The following ALG14 variants were observed in gnomAD, a reference collection of about 807,000 sequenced individuals.
The protein encoded by ALG14 is UDP-N-acetylglucosamine transferase subunit ALG14.
ALG14 carries 17 observed loss-of-function variants against 22.8 expected under a neutral mutation model. The ratio of observed to expected loss-of-function variants is 0.75; its 90% CI spans 0.51 to 1.12. ALG14 has a LOEUF of 1.12. Ranked by LOEUF, ALG14 falls within the 50% of genes most tolerant of loss-of-function variation. The probability of loss-of-function intolerance (pLI) is 0.00; values close to 1 mark genes in which losing one functional copy is unlikely to be tolerated. For synonymous variants in ALG14, 89 were observed against 103.7 expected, an observed-to-expected ratio of 0.86 and a Z score of 0.86; for missense variants, 288 against 271.8, an observed-to-expected ratio of 1.06 and a Z score of -0.42.
intron 2 of ALG14, among the ~76,000 whole-genome samples, chr1:95,048,353 A>G (rs1410841318): frequency 1.3e-5 from 2 of 152,214 alleles, no homozygotes; most frequent in Non-Finnish European, 2.9e-5. Flanking sequence ...TGTTTTATTC[A>G]TATGTCACCG....
At chr1:95,047,016 C>CATAAG (rs1288671807) in intron 2 of ALG14, among the ~76,000 whole-genome samples, 17 of 146,026 alleles carry the variant, frequency 1.2e-4, no homozygotes, top group African/African-American at 4.3e-4. Context: ...CATAACATAA[C>CATAAG]ATAACATAAC....
chr1:95,065,000 T>C lies in ALG14; in HGVS notation c.154A>G (p.Ile52Val). 1 of 1,613,226 alleles carries C rather than the reference T, an allele frequency of 6.2e-7. No individual in the cohort carries two copies. The highest frequency in any genetic ancestry group is 8.5e-7 in the Non-Finnish European group (1 of 1,179,528). The stretch of plus-strand genomic sequence containing the variant: ...GACAAGCTCCCAAGCAGCCTCAGGA[T>C]CTCAGTGGTATGCCCACCTGGAAAA... ...VAGSGGHTTEILRLLGSLSNA... is the reference protein window; with the variant it reads ...VAGSGGHTTEVLRLLGSLSNA... Residue 52 changes from isoleucine (I) to valine (V), a missense_variant, in exon 2 of 4, where the codon ATC becomes GTC. Transcript: ENST00000370205.
chr1:94,992,222 TA>T (rs1165420886), intron 3 of ALG14, among the ~76,000 whole-genome samples: 1 of 152,200 alleles, frequency 6.6e-6, no homozygotes, highest in Non-Finnish European at 1.5e-5. Flanking sequence ...GCTATACTTT[TA>T]CATGACTGGC....
chr1:95,051,720 C>T (rs1181535220), intron 2 of ALG14, among the ~76,000 whole-genome samples: 4 of 152,194 alleles, frequency 2.6e-5, no homozygotes, highest in African/African-American at 4.8e-5. Flanking sequence ...ATGCCAGGCA[C>T]GGCCCCACCT....
chr1:95,020,035 T>A (rs1356115392), intron 3 of ALG14, among the ~76,000 whole-genome samples: 1 of 151,766 alleles, frequency 6.6e-6, no homozygotes, highest in Non-Finnish European at 1.5e-5. Context: ...CTGGCCAACA[T>A]GGTAAAACCC....
At chr1:94,983,533 A>G (rs766038150) in intron 3 of ALG14, 2 of 532,556 alleles carry the variant, frequency 3.8e-6, no homozygotes, top group Non-Finnish European at 6.7e-6. Flanking sequence ...TGTGTGACTC[A>G]GGGCAAATCA....
intron 2 of ALG14, among the ~76,000 whole-genome samples, chr1:95,054,712 T>C (rs1329700341): frequency 6.6e-6 from 1 of 152,200 alleles, no homozygotes; most frequent in Non-Finnish European, 1.5e-5. Flanking sequence ...CAGGCCCAGG[T>C]GGTTTTGTCT....
chr1:94,983,027 T>G lies in ALG14; in HGVS notation c.*49A>C. 6 of 1,522,728 alleles carry G rather than the reference T, an allele frequency of 3.9e-6. No individual in the cohort carries two copies. Among genetic ancestry groups the G allele is most frequent in the Non-Finnish European group, 5.5e-6 (6 of 1,099,244 alleles). The allele number at this position is 1,522,728 out of a possible 1,614,324, so 94.3% of individuals were successfully genotyped here. A position where few individuals can be genotyped will look rare whatever the true frequency, so the allele number is the denominator to read the frequency against. On this transcript the variant is annotated 3_prime_UTR_variant, in exon 4 of 4. Transcript: ENST00000370205. Reference sequence around the variant, plus strand: ...AGGGTTTTTTTCCCCCCAATTTGAGTACATACTACTGTTAACTGCAAAATT... The same window carrying G: ...AGGGTTTTTTTCCCCCCAATTTGAGGACATACTACTGTTAACTGCAAAATT...
At chr1:95,017,752 C>A (rs913769387) in intron 3 of ALG14, among the ~76,000 whole-genome samples, 10 of 152,140 alleles carry the variant, frequency 6.6e-5, no homozygotes, top group African/African-American at 2.4e-4. Context: ...CCCTGGGGAA[C>A]CCCAGAATGA....
At chr1:95,014,350 A>G (rs1673445809) in intron 3 of ALG14, among the ~76,000 whole-genome samples, 1 of 152,228 alleles carries the variant, frequency 6.6e-6, no homozygotes, top group South Asian at 2.1e-4. Context: ...ATAATGGAAT[A>G]GTGGCTAATT....
At chr1:95,058,064 G>A (rs1674997946) in intron 2 of ALG14, among the ~76,000 whole-genome samples, 1 of 151,538 alleles carries the variant, frequency 6.6e-6, no homozygotes, top group African/African-American at 2.4e-5. Context: ...GAGGTGGGCG[G>A]ATCATGAGGT....
chr1:95,015,822 T>A (rs1341769626), intron 3 of ALG14, among the ~76,000 whole-genome samples: 1 of 152,210 alleles, frequency 6.6e-6, no homozygotes, highest in African/African-American at 2.4e-5. Flanking sequence ...AAAATCAACA[T>A]GAAAACAGTC....
At chr1:95,068,605 A>C (rs1326072732) in intron 1 of ALG14, among the ~76,000 whole-genome samples, 2 of 152,156 alleles carry the variant, frequency 1.3e-5, no homozygotes, top group Non-Finnish European at 2.9e-5. Flanking sequence ...ATAATATTTT[A>C]TGATATCTAA....
chr1:95,070,588 T>G (rs566873824), intron 1 of ALG14, among the ~76,000 whole-genome samples: 1 of 152,360 alleles, frequency 6.6e-6, no homozygotes, highest in East Asian at 1.9e-4. Context: ...GGTATAGGTT[T>G]GCTCCCCAGA....
Position 94,977,379 on chromosome 1 carries a change from T to C in ALG14, c.*5697A>G, listed in dbSNP as rs537450200. 174 of 152,308 alleles carry C rather than the reference T, an allele frequency of 1.1e-3. No individual in the cohort carries two copies. The highest frequency in any genetic ancestry group is 3.8e-3 in the African/African-American group (159 of 41,574). The allele number at this position is 152,308 out of a possible 1,614,324, so 9.4% of individuals were successfully genotyped here. On this transcript the variant is annotated 3_prime_UTR_variant, in exon 4 of 4. Transcript: ENST00000370205. ...TTATGTAAAGCAGCAGTTCTTAAAA[T>C]GTGGTCCAAGGTCCTGGGGAGTCTT...
chr1:94,993,175 G>A (rs1408333261), intron 3 of ALG14, among the ~76,000 whole-genome samples: 1 of 148,576 alleles, frequency 6.7e-6, no homozygotes, highest in African/African-American at 2.5e-5. Flanking sequence ...ATATCACTTG[G>A]AGTAGACTGG....
intron 3 of ALG14, among the ~76,000 whole-genome samples, chr1:94,996,490 G>A (rs1331168775): frequency 6.6e-6 from 1 of 152,158 alleles, no homozygotes; most frequent in Non-Finnish European, 1.5e-5. Flanking sequence ...ACCCATCTGG[G>A]AGGGGCTTTT....
At chr1:95,029,650 A>G (rs994781711) in intron 2 of ALG14, among the ~76,000 whole-genome samples, 6 of 152,254 alleles carry the variant, frequency 3.9e-5, no homozygotes, top group Non-Finnish European at 7.3e-5. Context: ...TGAAAAGCAT[A>G]TAACTACATT....
At chr1:94,993,903 C>T (rs1208685485) in intron 3 of ALG14, among the ~76,000 whole-genome samples, 1 of 152,176 alleles carries the variant, frequency 6.6e-6, no homozygotes, top group Non-Finnish European at 1.5e-5. Flanking sequence ...ACGTGCTACA[C>T]AGTCTGCACG....
Sources: gnomAD v4.1 joint callset for allele counts (sites outside exome capture counted in the v4.1 genomes callset) on GRCh38, gnomAD v4.1.1 for gene constraint, MANE v1.5 for transcripts, NCBI Gene and HGNC (gene_info 2026-07-23, HGNC 2026-07-21) for gene names.